Variants in MAGI1 observed in about 807,000 individuals in gnomAD.
The protein encoded by MAGI1 is membrane-associated guanylate kinase, WW and PDZ domain-containing protein 1.
In MAGI1, 58 loss-of-function variants were observed where a neutral mutation model predicts 139.9. That is an observed-to-expected ratio of 0.41 (90% CI 0.34 to 0.52). The LOEUF (loss-of-function observed/expected upper bound fraction) is 0.52, where lower values mean the gene tolerates loss of function less well. Ranked by LOEUF, MAGI1 falls within the 20% of genes least tolerant of loss-of-function variation. MAGI1 has a pLI of 0.12. For synonymous variants in MAGI1, 812 were observed against 737.9 expected, an observed-to-expected ratio of 1.10 and a Z score of -1.63; for missense variants, 1,874 against 1,901.6, an observed-to-expected ratio of 0.99 and a Z score of 0.27.
At chr3:65,794,976 C>T (rs561690267) in intron 1 of MAGI1, among the ~76,000 whole-genome samples, 8 of 152,018 alleles carry the variant, frequency 5.3e-5, no homozygotes, top group Non-Finnish European at 7.4e-5. Context: ...CACTATCCAA[C>T]GACGCAAATG....
At chr3:65,729,383 G>A (rs1487493334) in intron 1 of MAGI1, among the ~76,000 whole-genome samples, 1 of 152,200 alleles carries the variant, frequency 6.6e-6, no homozygotes, top group African/African-American at 2.4e-5. Flanking sequence ...AAAGTTTGAG[G>A]TTGGCTAAAA....
At chr3:65,435,182 G>C (rs906488764) in intron 10 of MAGI1, among the ~76,000 whole-genome samples, 1 of 152,020 alleles carries the variant, frequency 6.6e-6, no homozygotes, top group Non-Finnish European at 1.5e-5. Flanking sequence ...ATAGCAGCCT[G>C]AATGAAGAAC....
chr3:65,737,911 T>C (rs903020227), intron 1 of MAGI1, among the ~76,000 whole-genome samples: 1 of 152,124 alleles, frequency 6.6e-6, no homozygotes, highest in African/African-American at 2.4e-5. Context: ...ATTAGCGCAT[T>C]AAACCTGCCT....
At chr3:65,881,820 G>C (rs1475535554) in intron 1 of MAGI1, among the ~76,000 whole-genome samples, 8 of 152,162 alleles carry the variant, frequency 5.3e-5, no homozygotes. Flanking sequence ...CTGAATAGGA[G>C]AGGAAGCCCT....
At chr3:65,425,230 C>T (rs557654988) in intron 12 of MAGI1, among the ~76,000 whole-genome samples, 1 of 151,814 alleles carries the variant, frequency 6.6e-6, no homozygotes, top group South Asian at 2.1e-4. Context: ...CACCCAATTG[C>T]CACTATTGCT....
chr3:65,982,928 TA>T (rs2065664430), intron 1 of MAGI1, among the ~76,000 whole-genome samples: 1 of 152,178 alleles, frequency 6.6e-6, no homozygotes, highest in Admixed American at 6.5e-5. Flanking sequence ...TTTATTTTTT[TA>T]TTTTTCTAAA....
chr3:65,822,235 C>T (rs2041987442), intron 1 of MAGI1, among the ~76,000 whole-genome samples: 1 of 152,102 alleles, frequency 6.6e-6, no homozygotes, highest in Non-Finnish European at 1.5e-5. Flanking sequence ...CATAAAAGAC[C>T]AATTGTATTA....
At chr3:65,717,440 A>G (rs1389349575) in intron 1 of MAGI1, 1 of 152,188 alleles carries the variant, frequency 6.6e-6, no homozygotes, top group Non-Finnish European at 1.5e-5. Flanking sequence ...GCATATCAAT[A>G]TACACTTTAG....
At chr3:65,986,037 C>A (rs1381774257) in intron 1 of MAGI1, among the ~76,000 whole-genome samples, 4 of 152,132 alleles carry the variant, frequency 2.6e-5, no homozygotes, top group African/African-American at 9.7e-5. Flanking sequence ...AGAATCAGCT[C>A]AAGGGTAAAA....
chr3:65,357,296 C>T (rs867626585), intron 22 of MAGI1, among the ~76,000 whole-genome samples, 164 bp from the exon 23 acceptor site: 1 of 152,176 alleles, frequency 6.6e-6, no homozygotes, highest in Non-Finnish European at 1.5e-5. Context: ...GATAACTGCA[C>T]GTAGTTAGGG....
At chr3:66,012,148 A>G (rs1396424439) in intron 1 of MAGI1, among the ~76,000 whole-genome samples, 1 of 152,162 alleles carries the variant, frequency 6.6e-6, no homozygotes, top group East Asian at 1.9e-4. Context: ...AGCCACTGAA[A>G]CATTCTATGC....
chr3:66,013,986 C>T (rs1270082150), intron 1 of MAGI1, among the ~76,000 whole-genome samples: 1 of 152,126 alleles, frequency 6.6e-6, no homozygotes, highest in Non-Finnish European at 1.5e-5. Flanking sequence ...CGCAGTGAAC[C>T]ACTACATAAT....
At chr3:65,950,742 T>C (rs1165539935) in intron 1 of MAGI1, among the ~76,000 whole-genome samples, 1 of 152,056 alleles carries the variant, frequency 6.6e-6, no homozygotes, top group Non-Finnish European at 1.5e-5. Flanking sequence ...ACCACTTAAA[T>C]GGAAAAGCTT....
intron 1 of MAGI1, among the ~76,000 whole-genome samples, chr3:66,014,973 TC>T (rs2067546554): frequency 6.6e-6 from 1 of 152,026 alleles, no homozygotes; most frequent in African/African-American, 2.4e-5. Context: ...CAACAAATCA[TC>T]GCTACATGAT....
chr3:65,499,060 T>A (rs1368224142), intron 2 of MAGI1: 4 of 860,080 alleles, frequency 4.7e-6, no homozygotes, highest in African/African-American at 1.9e-5. Flanking sequence ...AAACCGCTCT[T>A]AAAAAAAAAA....
intron 1 of MAGI1, among the ~76,000 whole-genome samples, chr3:65,989,624 ACCT>A (rs71717785): frequency 0.035 from 5,377 of 152,074 alleles, 291 homozygotes; most frequent in African/African-American, 0.12. Context: ...TGCAAACTCC[ACCT>A]CCTGGGTTCA....
At chr3:65,637,556 A>AAAAGAAAGAAAGAAAGAAAG (rs60686455) in intron 1 of MAGI1, among the ~76,000 whole-genome samples, 17 of 127,978 alleles carry the variant, frequency 1.3e-4, no homozygotes, top group East Asian at 4.6e-4. Context: ...TGTCTCCAAA[A>AAAAGAAAGAAAGAAAGAAAG]AAAGAAAGAA....
intron 16 of MAGI1, among the ~76,000 whole-genome samples, chr3:65,380,509 C>G (rs994740636): frequency 1.3e-5 from 2 of 152,116 alleles, no homozygotes; most frequent in African/African-American, 4.8e-5. Context: ...ACTAATTCCC[C>G]TTCCTATTTC....
At chr3:65,469,739 T>C (rs910339274) in intron 5 of MAGI1, 8 of 151,616 alleles carry the variant, frequency 5.3e-5, no homozygotes, top group African/African-American at 1.9e-4. Flanking sequence ...TTATCAAAAT[T>C]AAGATTTTGA....
Sources: allele counts gnomAD v4.1 joint callset (sites outside exome capture counted in the v4.1 genomes callset), GRCh38; gene constraint gnomAD v4.1.1; transcripts MANE v1.5; gene names NCBI Gene and HGNC (gene_info 2026-07-23, HGNC 2026-07-21).